RAB6B: variants seen among roughly 807,000 people sequenced by gnomAD.
The protein encoded by RAB6B is RAB6B, member RAS oncogene family, also known as ras-related protein Rab-6B.
Under a neutral mutation model 31.2 loss-of-function variants are expected in RAB6B, and 7 were observed. The ratio of observed to expected loss-of-function variants is 0.22; its 90% CI spans 0.13 to 0.42. The LOEUF (loss-of-function observed/expected upper bound fraction) is 0.42. Among genes scored for constraint, RAB6B ranks in the 10% least tolerant of loss-of-function variants. The pLI is 1.00. For missense variants in RAB6B, 149 were observed against 280.6 expected (o/e 0.53, Z 3.35); for synonymous variants, 105 against 104.9 (o/e 1.00, Z -0.01).
Position 133,840,500 on chromosome 3 carries a change from G to A in RAB6B, c.289+785C>T, listed in dbSNP as rs561262740. On this transcript the variant is annotated intron_variant, in intron 4 of 7. Transcript: ENST00000285208. Reference sequence around the variant, plus strand: ...GGGGGCCTGTGGTCAGAAGAGAGGTGGACAGAAGGGGTGGGCAGAGCCAGG... The same window carrying A: ...GGGGGCCTGTGGTCAGAAGAGAGGTAGACAGAAGGGGTGGGCAGAGCCAGG... Among the ~76,000 whole-genome samples the A allele has an allele frequency of 2.1e-3, 313 of 152,342 alleles. 2 individuals are homozygous for A. Among genetic ancestry groups the A allele is most frequent in the Non-Finnish European group, 3.4e-3 (231 of 68,020 alleles).
intron 4 of RAB6B, among the ~76,000 whole-genome samples, 161 bp from the exon 5 acceptor site, chr3:133,839,778 C>T (rs573496604): frequency 1.3e-5 from 2 of 152,252 alleles, no homozygotes; most frequent in East Asian, 1.9e-4. Context: ...CTGGGTAGGG[C>T]CTTTCAGAGG....
chr3:133,836,475 C>A (rs982593330), intron 6 of RAB6B, among the ~76,000 whole-genome samples: 1 of 152,166 alleles, frequency 6.6e-6, no homozygotes, highest in African/African-American at 2.4e-5. Flanking sequence ...CAGGAGTCTG[C>A]ACTGCATGGA....
chr3:133,867,956 A>G (rs2108005658), intron 1 of RAB6B, among the ~76,000 whole-genome samples: 1 of 152,198 alleles, frequency 6.6e-6, no homozygotes, highest in African/African-American at 2.4e-5. Context: ...TGCCCTCGTC[A>G]CTTCTGCCAG....
intron 2 of RAB6B, among the ~76,000 whole-genome samples, chr3:133,858,791 C>G (rs1936118087): frequency 6.6e-6 from 1 of 152,198 alleles, no homozygotes; most frequent in South Asian, 2.1e-4. Context: ...AAATGCAGCC[C>G]TGCCAACAGC....
intron 2 of RAB6B, among the ~76,000 whole-genome samples, chr3:133,843,939 T>C (rs2107992835): frequency 6.6e-6 from 1 of 152,286 alleles, no homozygotes; most frequent in South Asian, 2.1e-4. Flanking sequence ...GCTCAGATTG[T>C]TCTATTTTGT....
chr3:133,881,930 A>G (rs573648272), intron 1 of RAB6B, among the ~76,000 whole-genome samples: 1 of 152,244 alleles, frequency 6.6e-6, no homozygotes, highest in Non-Finnish European at 1.5e-5. Context: ...GCTTAAAACA[A>G]TATATTAATA....
At chr3:133,835,163 G>C (rs1935714941) in intron 6 of RAB6B, among the ~76,000 whole-genome samples, 1 of 152,212 alleles carries the variant, frequency 6.6e-6, no homozygotes, top group African/African-American at 2.4e-5. Context: ...GAGAGCGCGA[G>C]GGATGCAGGA....
chr3:133,843,071 T>C (rs1935859296), intron 2 of RAB6B, among the ~76,000 whole-genome samples: 1 of 152,228 alleles, frequency 6.6e-6, no homozygotes, highest in Non-Finnish European at 1.5e-5. Context: ...CCCAACTCGT[T>C]CCACAAAGGA....
At chr3:133,893,081 A>G (rs1046695267) in intron 1 of RAB6B, among the ~76,000 whole-genome samples, 1 of 151,974 alleles carries the variant, frequency 6.6e-6, no homozygotes, top group Non-Finnish European at 1.5e-5. Context: ...GATAGCAGTG[A>G]CTCTCTAATG....
At chr3:133,842,527 T>C (rs1021679119) in intron 2 of RAB6B, among the ~76,000 whole-genome samples, 1 of 152,162 alleles carries the variant, frequency 6.6e-6, no homozygotes. Context: ...TAAATAAGCA[T>C]AGTGTGGTAT....
Position 133,895,754 on chromosome 3 carries a change from C to A in RAB6B, c.-288G>T, listed in dbSNP as rs1936703493. ...AGGGGCGCGCTCTTTACGCCCGAGGCGCGGCGCTGGGAGAGAGGCGCGGGC... is the reference window on the plus strand; with the variant it reads ...AGGGGCGCGCTCTTTACGCCCGAGGAGCGGCGCTGGGAGAGAGGCGCGGGC... On this transcript the variant is annotated 5_prime_UTR_variant, in exon 1 of 8. Coordinates refer to ENST00000285208, the MANE Select transcript of RAB6B (RefSeq NM_016577.4). 1.4e-5 allele frequency: 6 copies of A among 421,594 alleles called. No homozygotes were observed. The highest frequency in any genetic ancestry group is 2.5e-5 in the Non-Finnish European group (6 of 240,892). The allele number at this position is 421,594 out of a possible 1,614,324, so 26.1% of individuals were successfully genotyped here.
chr3:133,876,851 G>A (rs1042914955), intron 1 of RAB6B, among the ~76,000 whole-genome samples: 2 of 151,946 alleles, frequency 1.3e-5, no homozygotes, highest in African/African-American at 4.8e-5. Flanking sequence ...ACCAGACCAC[G>A]CAACACTGCC....
intron 2 of RAB6B, among the ~76,000 whole-genome samples, chr3:133,849,993 A>T (rs1469116278): frequency 6.6e-6 from 1 of 152,212 alleles, no homozygotes; most frequent in Non-Finnish European, 1.5e-5. Flanking sequence ...CAATCTGCAA[A>T]GTTACTACAG....
At chr3:133,890,240 C>G (rs1459176670) in intron 1 of RAB6B, among the ~76,000 whole-genome samples, 1 of 152,080 alleles carries the variant, frequency 6.6e-6, no homozygotes, top group Non-Finnish European at 1.5e-5. Flanking sequence ...TCTTCAGAGA[C>G]TAGGAATGAG....
chr3:133,828,896 T>C, intron 7 of RAB6B, 44 bp from the exon 8 acceptor site: 1 of 1,525,580 alleles, frequency 6.6e-7, no homozygotes, highest in Non-Finnish European at 9.0e-7. Context: ...CTGGACAAGC[T>C]GCCACCCCAC....
rs554292739 is a variant in RAB6B at position 133,872,514 on chromosome 3, G to C, written c.71-7872C>G. Among the ~76,000 whole-genome samples the C allele has an allele frequency of 5.8e-4, 89 of 152,344 alleles. 1 individual carries two copies. The highest frequency in any genetic ancestry group is 2.1e-3 in the African/African-American group (87 of 41,584). On this transcript the variant is annotated intron_variant, in intron 1 of 7. Transcript: ENST00000285208. ...TTAGAGACACCAGCTATATCCATCTGAACCTTGTTTCCTTTGGCTCTGTTT... is the reference window on the plus strand; with the variant it reads ...TTAGAGACACCAGCTATATCCATCTCAACCTTGTTTCCTTTGGCTCTGTTT...
At position 133,827,746 on chromosome 3, in the gene RAB6B, A is replaced by ACCC. The variant is rs55951806; in HGVS notation, c.*1039_*1041dup. ...TCAAGGTGGTGGTTCTGCAGACAAC[A>ACCC]CCCCCCCCCCCCCCCGCCTCCCCAT... On this transcript the variant is annotated 3_prime_UTR_variant, in exon 8 of 8. Coordinates refer to ENST00000285208, the MANE Select transcript of RAB6B (RefSeq NM_016577.4). 5 of 73,662 alleles carry ACCC rather than the reference A, an allele frequency of 6.8e-5. No homozygotes were observed. Among genetic ancestry groups the ACCC allele is most frequent in the South Asian group, 2.4e-4 (2 of 8,442 alleles). The allele number at this position is 73,662 out of a possible 1,614,324, so 4.6% of individuals were successfully genotyped here. A position where few individuals can be genotyped will look rare whatever the true frequency, so the allele number is the denominator to read the frequency against.
intron 2 of RAB6B, among the ~76,000 whole-genome samples, chr3:133,862,051 C>A (rs1005177445): frequency 4.6e-5 from 7 of 151,768 alleles, no homozygotes; most frequent in African/African-American, 1.7e-4. Context: ...TCTGTATACA[C>A]AGAATTGGAG....
At chr3:133,849,687 C>T (rs1935951480) in intron 2 of RAB6B, among the ~76,000 whole-genome samples, 1 of 152,214 alleles carries the variant, frequency 6.6e-6, no homozygotes, top group African/African-American at 2.4e-5. Context: ...CCCTTCATTT[C>T]TGAACCTGTC....
Sources: gnomAD v4.1 joint callset for allele counts (sites outside exome capture counted in the v4.1 genomes callset) on GRCh38, gnomAD v4.1.1 for gene constraint, MANE v1.5 for transcripts, NCBI Gene and HGNC (gene_info 2026-07-23, HGNC 2026-07-21) for gene names.